The following WDR55 variants were observed in gnomAD, a reference collection of about 807,000 sequenced individuals.
The protein encoded by WDR55 is WD repeat-containing protein 55.
A neutral mutation model predicts 34.0 loss-of-function variants in WDR55; 31 were observed. The observed-to-expected ratio is 0.91, with a 90% CI of 0.69 to 1.23. The LOEUF (loss-of-function observed/expected upper bound fraction) is 1.23. WDR55 is among the 50% of genes most tolerant of loss of function. The pLI is 0.00. For missense variants in WDR55, 440 were observed against 494.6 expected (o/e 0.89, Z 1.05); for synonymous variants, 164 against 185.9 (o/e 0.88, Z 0.96).
In WDR55 at chr5:140,668,667, G is replaced by A. The variant is rs1757979954; in HGVS notation, c.436G>A (p.Asp146Asn). 6.2e-7 allele frequency: 1 copy of A among 1,614,190 alleles called. No individual in the cohort carries two copies. The highest frequency in any genetic ancestry group is 1.1e-5 in the South Asian group (1 of 91,078). ...VDENVLATGD[D>N]TGGICLWDQR... The stretch of plus-strand genomic sequence containing the variant: ...TGAGAATGTTCTGGCCACTGGGGAT[G>A]ACACAGGTGGTATCTGTCTCTGGGA... The change falls in exon 4 of 7, where the codon GAC (aspartate) becomes AAC (asparagine). Residue 146 changes from aspartate to asparagine, a missense_variant. Coordinates refer to ENST00000358337, the MANE Select transcript of WDR55 (RefSeq NM_017706.5).
chr5:140,671,955 TTG>T lies in WDR55; in HGVS notation c.*2302_*2303del, dbSNP rs911754201. 2.5e-5 allele frequency: 16 copies of T among 632,880 alleles called. No individual in the cohort carries two copies. The highest frequency in any genetic ancestry group is 4.1e-5 in the Non-Finnish European group (15 of 361,760). 39.2% of individuals were successfully genotyped at this position (632,880 alleles called of 1,614,324 possible). ...ACACACTGCTACCTTACAAGTTTCCTTGGAGAAGTACTGGTTAATTGCAGGCT... is the reference window on the plus strand; with the variant it reads ...ACACACTGCTACCTTACAAGTTTCCTGAGAAGTACTGGTTAATTGCAGGCT... On this transcript the variant is annotated 3_prime_UTR_variant, in exon 7 of 7. Coordinates refer to ENST00000358337, the MANE Select transcript of WDR55 (RefSeq NM_017706.5).
rs753318118 is a variant in WDR55, at chr5:140,665,004, C to G, written c.92C>G (p.Thr31Ser). ...SMEAPTRIRD[T>S]PEDIVLEAPA... ...GAAGCCCCAACCCGGATCCGGGACA[C>G]TCCGGAAGACATCGTGCTGGAAGCT... Residue 31 changes from threonine (T) to serine (S), a missense_variant, in exon 1 of 7, where the codon ACT becomes AGT. By Grantham distance (58) the Thr-to-Ser change is moderately conservative. Transcript: ENST00000358337. 3.1e-6 allele frequency: 5 copies of G among 1,614,000 alleles called. No homozygotes were observed. The highest frequency in any genetic ancestry group is 1.3e-5 in the African/African-American group (1 of 75,068).
intron 1 of WDR55, chr5:140,666,605 A>G (rs887110334): frequency 1.0e-6 from 1 of 985,006 alleles, no homozygotes; most frequent in Non-Finnish European, 1.2e-6. Context: ...TGGTAACCAT[A>G]TGTCCATTTG....
chr5:140,669,880 T>G lies in WDR55; in HGVS notation c.*226T>G. On this transcript the variant is annotated 3_prime_UTR_variant, in exon 7 of 7. Transcript: ENST00000358337. Reference sequence around the variant, plus strand: ...AGCAGCTGGGACTACAGGTGTGCACTACCACACCAGGCCAATTTTTGTTTT... The same window carrying G: ...AGCAGCTGGGACTACAGGTGTGCACGACCACACCAGGCCAATTTTTGTTTT... 4.7e-5 allele frequency: 23 copies of G among 486,002 alleles called. No individual in the cohort carries two copies. The highest frequency in any genetic ancestry group is 5.5e-5 in the Non-Finnish European group (15 of 275,050). The allele number at this position is 486,002 out of a possible 1,614,324, so 30.1% of individuals were successfully genotyped here. A position where few individuals can be genotyped will look rare whatever the true frequency, so the allele number is the denominator to read the frequency against.
chr5:140,666,410 G>A (rs981103746), intron 1 of WDR55, among the ~76,000 whole-genome samples: 3 of 152,016 alleles, frequency 2.0e-5, no homozygotes, highest in Non-Finnish European at 4.4e-5. Context: ...AAAAAATCTC[G>A]AAACCTCAGC....
Position 140,664,956 on chromosome 5 carries a change from A to G in WDR55, c.44A>G (p.Asp15Gly). 3.7e-6 allele frequency: 6 copies of G among 1,612,408 alleles called. No individual in the cohort carries two copies. Among genetic ancestry groups the G allele is most frequent in the Non-Finnish European group, 5.1e-6 (6 of 1,179,330 alleles). Reference protein sequence around the residue: ...CEERPAEDGSDEEDPDSMEAP... With the variant: ...CEERPAEDGSGEEDPDSMEAP... Reference sequence around the variant, plus strand: ...GAGAGGCCCGCTGAGGATGGGAGCGACGAGGAGGACCCAGACTCCATGGAA... The same window carrying G: ...GAGAGGCCCGCTGAGGATGGGAGCGGCGAGGAGGACCCAGACTCCATGGAA... The change falls in exon 1 of 7, where the codon GAC (aspartate) becomes GGC (glycine). Residue 15 changes from aspartate to glycine, a missense_variant. Physicochemically the swap from Asp to Gly is moderately conservative, Grantham distance 94. Coordinates refer to ENST00000358337, the MANE Select transcript of WDR55 (RefSeq NM_017706.5).
At position 140,671,321 on chromosome 5, in the gene WDR55, G is replaced by C; in HGVS notation, c.*1667G>C. On this transcript the variant is annotated 3_prime_UTR_variant, in exon 7 of 7. Transcript: ENST00000358337. ...CTGTTTAACCATGGTACCTGCCTCAGCCCCAGCAGACCACAGGAGGTTGGC... is the reference window on the plus strand; with the variant it reads ...CTGTTTAACCATGGTACCTGCCTCACCCCCAGCAGACCACAGGAGGTTGGC... 1 of 1,612,920 alleles carries C rather than the reference G, an allele frequency of 6.2e-7. No individual in the cohort carries two copies. Among genetic ancestry groups the C allele is most frequent in the African/African-American group, 1.3e-5 (1 of 75,056 alleles).
At position 140,668,594 on chromosome 5, in the gene WDR55, C is replaced by T; in HGVS notation, c.381-18C>T. ...TGGGACAGAGATGCTCCAAGAAGTT[C>T]TACATCTGTGTCTCTAGTGCCCCCA... On this transcript the variant is annotated intron_variant, in intron 3 of 6. Coordinates refer to ENST00000358337, the MANE Select transcript of WDR55 (RefSeq NM_017706.5). 6.2e-7 allele frequency: 1 copy of T among 1,611,680 alleles called. No homozygotes were observed. Among genetic ancestry groups the T allele is most frequent in the Non-Finnish European group, 8.5e-7 (1 of 1,178,612 alleles).
At chr5:140,665,500 A>T (rs1757898504) in intron 1 of WDR55, among the ~76,000 whole-genome samples, 1 of 151,922 alleles carries the variant, frequency 6.6e-6, no homozygotes, top group Admixed American at 6.6e-5. Flanking sequence ...TGGGATTATA[A>T]GCGCCCGCCA....
At chr5:140,668,147 G>A (rs1161558691) in intron 1 of WDR55, 87 bp from the exon 2 acceptor site, 4 of 1,430,674 alleles carry the variant, frequency 2.8e-6, no homozygotes, top group Non-Finnish European at 3.7e-6. Flanking sequence ...TAGGTAGGTG[G>A]GAAGGCTGCT....
At chr5:140,667,327 T>A in intron 1 of WDR55, 1 of 208,876 alleles carries the variant, frequency 4.8e-6, no homozygotes, top group Non-Finnish European at 8.3e-6. Flanking sequence ...AAACTTCTGC[T>A]TGGCTCATGT....
chr5:140,666,136 C>T (rs143850457), intron 1 of WDR55, among the ~76,000 whole-genome samples: 2 of 152,256 alleles, frequency 1.3e-5, no homozygotes, highest in African/African-American at 4.8e-5. Flanking sequence ...GTGGCTCATG[C>T]CTGTAATCCC....
Position 140,671,230 on chromosome 5 carries a change from T to G in WDR55, c.*1576T>G, listed in dbSNP as rs1441694001. The G allele has an allele frequency of 1.2e-5, 20 of 1,606,228 alleles. No homozygotes were observed. The South Asian group carries it at 1.7e-4, about 13-fold the overall frequency. ...TCAGAAAGTGGCCACCCAGGCCTGC[T>G]GGGATGGGGCCTGACACAGGCTCTG... On this transcript the variant is annotated 3_prime_UTR_variant, in exon 7 of 7. Transcript: ENST00000358337.
In WDR55 at chr5:140,671,807, G is replaced by A. The variant is rs1758083884; in HGVS notation, c.*2153G>A. On this transcript the variant is annotated 3_prime_UTR_variant, in exon 7 of 7. Transcript: ENST00000358337. Reference sequence around the variant, plus strand: ...CTAAACCCTGGGCCCAAGCCTCCAGGTGGTGAGCCCTTTGGAGCTACACAG... The same window carrying A: ...CTAAACCCTGGGCCCAAGCCTCCAGATGGTGAGCCCTTTGGAGCTACACAG... The A allele has an allele frequency of 6.5e-7, 1 of 1,534,798 alleles. No individual in the cohort carries two copies. The highest frequency in any genetic ancestry group is 1.4e-5 in the African/African-American group (1 of 72,752).
chr5:140,667,234 C>A, intron 1 of WDR55: 1 of 869,384 alleles, frequency 1.2e-6, no homozygotes, highest in Non-Finnish European at 1.4e-6. Flanking sequence ...AAAAAAGGTT[C>A]TGGAGGAAAA....
At chr5:140,668,563 C>T (rs771516564) in intron 3 of WDR55, 49 bp from the exon 4 acceptor site, 1 of 1,609,806 alleles carries the variant, frequency 6.2e-7, no homozygotes, top group Non-Finnish European at 8.5e-7. Context: ...ACCAGGAGGT[C>T]CCCACTGGGA....
At position 140,671,834 on chromosome 5, in the gene WDR55, C is replaced by A. The variant is rs1426020679; in HGVS notation, c.*2180C>A. The A allele has an allele frequency of 7.0e-7, 1 of 1,423,746 alleles. No individual in the cohort carries two copies. Among genetic ancestry groups the A allele is most frequent in the Non-Finnish European group, 9.7e-7 (1 of 1,032,066 alleles). 88.2% of individuals were successfully genotyped at this position (1,423,746 alleles called of 1,614,324 possible). On this transcript the variant is annotated 3_prime_UTR_variant, in exon 7 of 7. Transcript: ENST00000358337. The stretch of plus-strand genomic sequence containing the variant: ...GGTGAGCCCTTTGGAGCTACACAGT[C>A]CTGTTATTTGTAGCCTTCCCATTTC...
chr5:140,666,980 C>G, intron 1 of WDR55: 3 of 985,372 alleles, frequency 3.0e-6, no homozygotes, highest in Non-Finnish European at 3.6e-6. Flanking sequence ...GAATTTAAAC[C>G]TCAACCCCTC....
chr5:140,665,080 G>A lies in WDR55; in HGVS notation c.168G>A (p.Gly56=). ...CGGCCCGTGACCTACTGGCTGCAGG[G>A]GACGTGGACGGGGACGTGTTCGTGT... ...FHPARDLLAA[G]DVDGDVFVFS... The change falls in exon 1 of 7, where the codon GGG becomes GGA. Residue 56 remains glycine (G), a synonymous_variant. Coordinates refer to ENST00000358337, the MANE Select transcript of WDR55 (RefSeq NM_017706.5). 1.2e-6 allele frequency: 2 copies of A among 1,604,724 alleles called. No individual in the cohort carries two copies. The highest frequency in any genetic ancestry group is 1.7e-6 in the Non-Finnish European group (2 of 1,174,240).
Sources: gnomAD v4.1 joint callset for allele counts (sites outside exome capture counted in the v4.1 genomes callset) on GRCh38, gnomAD v4.1.1 for gene constraint, MANE v1.5 for transcripts, NCBI Gene and HGNC (gene_info 2026-07-23, HGNC 2026-07-21) for gene names.